Variants in LMBRD2 observed in about 807,000 individuals in gnomAD.
LMBRD2 encodes the protein LMBR1 domain containing 2.
A neutral mutation model predicts 94.4 loss-of-function variants in LMBRD2; 55 were observed. The observed-to-expected ratio is 0.58, with a 90% CI of 0.47 to 0.73. The LOEUF (loss-of-function observed/expected upper bound fraction) is 0.73. Among genes scored for constraint, LMBRD2 ranks in the 30% least tolerant of loss-of-function variants. The probability of loss-of-function intolerance (pLI) is 0.00; values close to 1 mark genes in which losing one functional copy is unlikely to be tolerated. For missense variants in LMBRD2, 640 were observed against 831.9 expected, an observed-to-expected ratio of 0.77 and a Z score of 2.84; for synonymous variants, 246 against 272.4, an observed-to-expected ratio of 0.90 and a Z score of 0.95.
rs1743382336 is a variant in LMBRD2, at chr5:36,103,201, CTT to C, written c.*843_*844del. ...AAATACTGAAGGATTTTGTTGGACTCTTTGACTACTTAAAAAAAAACTATTTT... is the reference window on the plus strand; with the variant it reads ...AAATACTGAAGGATTTTGTTGGACTCTGACTACTTAAAAAAAAACTATTTT... On this transcript the variant is annotated 3_prime_UTR_variant, in exon 18 of 18. Transcript: ENST00000296603. The C allele has an allele frequency of 6.6e-6, 1 of 151,984 alleles. No individual in the cohort carries two copies. The highest frequency in any genetic ancestry group is 2.4e-5 in the African/African-American group (1 of 41,342). 9.4% of individuals were successfully genotyped at this position (151,984 alleles called of 1,614,324 possible). A position where few individuals can be genotyped will look rare whatever the true frequency, so the allele number is the denominator to read the frequency against.
intron 16 of LMBRD2, among the ~76,000 whole-genome samples, chr5:36,105,715 C>T (rs1336717249): frequency 6.6e-6 from 1 of 152,110 alleles, no homozygotes; most frequent in Non-Finnish European, 1.5e-5. Flanking sequence ...TAAAAAGAAA[C>T]AAGTGAAATT....
intron 6 of LMBRD2, among the ~76,000 whole-genome samples, chr5:36,125,627 CA>C (rs1743991645): frequency 6.6e-6 from 1 of 151,988 alleles, no homozygotes; most frequent in Non-Finnish European, 1.5e-5. Flanking sequence ...CTATACACAG[CA>C]AAAAGTGATA....
chr5:36,104,705 T>G (rs1398935858), intron 17 of LMBRD2, among the ~76,000 whole-genome samples: 1 of 152,004 alleles, frequency 6.6e-6, no homozygotes, highest in Non-Finnish European at 1.5e-5. Context: ...TAGACACTGC[T>G]ATGCAGCAGT....
At position 36,104,052 on chromosome 5, in the gene LMBRD2, A is replaced by G. The variant is rs1180146170; in HGVS notation, c.2082T>C (p.Asp694=). ...CCACAAACTTTTTCAGACTTTAAAC[A>G]TCATTAAATATGTCACTGCGAGACA... ...LSMSRSDIFN[D]V The change falls in exon 18 of 18, where the codon GAT becomes GAC. Residue 694 remains aspartate (D), a synonymous_variant. Transcript: ENST00000296603. The G allele has an allele frequency of 6.2e-7, 1 of 1,609,938 alleles. No individual in the cohort carries two copies. The highest frequency in any genetic ancestry group is 8.5e-7 in the Non-Finnish European group (1 of 1,177,174).
chr5:36,110,498 T>C (rs1321293772), intron 14 of LMBRD2, among the ~76,000 whole-genome samples: 4 of 152,020 alleles, frequency 2.6e-5, no homozygotes, highest in African/African-American at 4.8e-5. Flanking sequence ...CTATGCCATA[T>C]GAGGTCTAAT....
chr5:36,104,717 A>T (rs1743422594), intron 17 of LMBRD2, among the ~76,000 whole-genome samples: 1 of 152,012 alleles, frequency 6.6e-6, no homozygotes, highest in African/African-American at 2.4e-5. Context: ...TGCAGCAGTT[A>T]CTAAATATAA....
Position 36,117,903 on chromosome 5 carries a change from T to C in LMBRD2, c.1134A>G (p.Glu378=), listed in dbSNP as rs770854771. Residue 378 remains glutamate (E), a synonymous_variant, in exon 10 of 18, where the codon GAA becomes GAG. Transcript: ENST00000296603. ...TGTAAAACCATGGTCGCAAAAGACA[T>C]TCCCAGTACCATTCTAGAAGACAAA... ...FYNPTFEWYW[E]CLLRPWFYKI... 3.1e-6 allele frequency: 5 copies of C among 1,606,046 alleles called. No homozygotes were observed. In the South Asian group the frequency reaches 3.4e-5, roughly 11 times the overall value.
Position 36,141,171 on chromosome 5 carries a change from T to G in LMBRD2, c.304A>C (p.Ile102Leu), listed in dbSNP as rs141490027. The G allele has an allele frequency of 3.1e-6, 5 of 1,611,296 alleles. No individual in the cohort carries two copies. The highest frequency in any genetic ancestry group is 3.3e-5 in the Admixed American group (2 of 59,842). Residue 102 changes from isoleucine to leucine, a missense_variant, in exon 4 of 18, where the codon ATT becomes CTT. Coordinates refer to ENST00000296603, the MANE Select transcript of LMBRD2 (RefSeq NM_001007527.2). The part of the protein sequence containing the change: ...QHPCFKPWSY[I>L]PDGIMPIFWR... ...AAAATTGGCATGATTCCATCAGGAA[T>G]GTAACTCCATGGCTTGAAACAAGGA...
At chr5:36,123,346 T>C (rs973008893) in intron 7 of LMBRD2, among the ~76,000 whole-genome samples, 14 of 152,240 alleles carry the variant, frequency 9.2e-5, no homozygotes, top group East Asian at 3.9e-4. Flanking sequence ...TTGAAAGGCA[T>C]AGCACAGAGA....
Position 36,102,627 on chromosome 5 carries a change from T to C in LMBRD2, c.*1419A>G, listed in dbSNP as rs959949194. ...TGCTCTATTCCTTTCAATATCTGCA[T>C]AGAGCTGTGTTTTAAAAAAAAACTT... On this transcript the variant is annotated 3_prime_UTR_variant, in exon 18 of 18. Coordinates refer to ENST00000296603, the MANE Select transcript of LMBRD2 (RefSeq NM_001007527.2). 5 of 151,624 alleles carry C rather than the reference T, an allele frequency of 3.3e-5. No individual in the cohort carries two copies. Among genetic ancestry groups the C allele is most frequent in the African/African-American group, 1.2e-4 (5 of 41,348 alleles). The allele number at this position is 151,624 out of a possible 1,614,324, so 9.4% of individuals were successfully genotyped here. A position where few individuals can be genotyped will look rare whatever the true frequency, so the allele number is the denominator to read the frequency against.
chr5:36,114,731 A>G (rs1462635274), intron 12 of LMBRD2, among the ~76,000 whole-genome samples: 1 of 152,178 alleles, frequency 6.6e-6, no homozygotes, highest in East Asian at 1.9e-4. Context: ...ATTACTCAAA[A>G]TTATCACATA....
At chr5:36,112,445 G>T (rs867964949) in intron 13 of LMBRD2, among the ~76,000 whole-genome samples, 26 of 152,194 alleles carry the variant, frequency 1.7e-4, no homozygotes, top group Middle Eastern at 3.4e-3. Context: ...AATAGTGTGG[G>T]AATTAGACTA....
chr5:36,104,079 C>G lies in LMBRD2; in HGVS notation c.2055G>C (p.Ser685=). 6.2e-7 allele frequency: 1 copy of G among 1,610,320 alleles called. No homozygotes were observed. The highest frequency in any genetic ancestry group is 8.5e-7 in the Non-Finnish European group (1 of 1,177,534). The change falls in exon 18 of 18, where the codon TCG becomes TCC. Residue 685 remains serine (S), a synonymous_variant. Transcript: ENST00000296603. ...CATTAAATATGTCACTGCGAGACAT[C>G]GAGAGATATCGTCCACCAGGCTGAT... ...GRYQPGGRYL[S]MSRSDIFNDV
At chr5:36,144,567 A>G (rs1744493457) in intron 1 of LMBRD2, among the ~76,000 whole-genome samples, 2 of 152,080 alleles carry the variant, frequency 1.3e-5, no homozygotes, top group South Asian at 2.1e-4. Flanking sequence ...GCCTGTAATC[A>G]CAGCTACTCA....
In LMBRD2 at chr5:36,104,113, A is replaced by T; in HGVS notation, c.2028-7T>A. On this transcript the variant is annotated splice_region_variant and splice_polypyrimidine_tract_variant and intron_variant, in intron 17 of 17. Coordinates refer to ENST00000296603, the MANE Select transcript of LMBRD2 (RefSeq NM_001007527.2). The stretch of plus-strand genomic sequence containing the variant: ...TCGTCCACCAGGCTGATACCTAAAA[A>T]GGGAACATAAAGAAATGATCTGAGG... 6.2e-7 allele frequency: 1 copy of T among 1,604,798 alleles called. No individual in the cohort carries two copies.
At position 36,122,936 on chromosome 5, in the gene LMBRD2, A is replaced by AT; in HGVS notation, c.847dup (p.Met283AsnfsTer3). On this transcript the variant is annotated frameshift_variant, in exon 8 of 18. Transcript: ENST00000296603. LOFTEE classifies it high-confidence loss of function. ...TTCATAATCATCCATGTTCCTACCC[A>AT]TTTTTTCCTGATACTCTGTAGGGCA... 1 of 1,556,714 alleles carries AT rather than the reference A, an allele frequency of 6.4e-7. No individual in the cohort carries two copies. The highest frequency in any genetic ancestry group is 8.6e-7 in the Non-Finnish European group (1 of 1,160,778).
intron 9 of LMBRD2, among the ~76,000 whole-genome samples, chr5:36,120,550 C>T (rs554996894): frequency 6.6e-5 from 10 of 152,194 alleles, no homozygotes; most frequent in South Asian, 4.1e-4. Flanking sequence ...TGAGCCACCG[C>T]GCCTGGCCTC....
intron 1 of LMBRD2, among the ~76,000 whole-genome samples, chr5:36,147,355 G>A (rs1744574758): frequency 6.6e-6 from 1 of 152,042 alleles, no homozygotes. Context: ...AGAAGAAAGG[G>A]GATGATAATG....
At chr5:36,131,578 G>C (rs1288752692) in intron 6 of LMBRD2, among the ~76,000 whole-genome samples, 9 of 151,964 alleles carry the variant, frequency 5.9e-5, no homozygotes, top group Admixed American at 5.2e-4. Flanking sequence ...CTCACATTTG[G>C]AAAAACCTAA....
Sources: allele counts gnomAD v4.1 joint callset (sites outside exome capture counted in the v4.1 genomes callset), GRCh38; gene constraint gnomAD v4.1.1; transcripts MANE v1.5; gene names NCBI Gene and HGNC (gene_info 2026-07-23, HGNC 2026-07-21).